Variants in RGS12 observed in about 807,000 individuals in gnomAD.
RGS12 encodes regulator of G-protein signaling 12.
Under a neutral mutation model 120.1 loss-of-function variants are expected in RGS12, and 66 were observed. The ratio of observed to expected loss-of-function variants is 0.55; its 90% CI spans 0.45 to 0.67. The LOEUF is 0.67. Among genes scored for constraint, RGS12 ranks in the 30% least tolerant of loss-of-function variants. RGS12 has a pLI of 0.00. For synonymous variants in RGS12, 827 were observed against 804.7 expected (o/e 1.03, Z -0.47); for missense variants, 1,859 against 1,957.7 (o/e 0.95, Z 0.95).
chr4:3,318,183 C>T (rs1724934440), intron 2 of RGS12, 132 bp downstream of exon 2: 1 of 789,510 alleles, frequency 1.3e-6, no homozygotes, highest in Non-Finnish European at 2.0e-6. Flanking sequence ...CTGTGGCCAT[C>T]ACAGGGTGTC....
At chr4:3,393,767 A>G (rs1719756249) in intron 4 of RGS12, among the ~76,000 whole-genome samples, 1 of 152,122 alleles carries the variant, frequency 6.6e-6, no homozygotes, top group South Asian at 2.1e-4. Context: ...CGGCAGATAG[A>G]GTTCTGTGAT....
At chr4:3,387,668 C>A (rs1400196890) in intron 4 of RGS12, among the ~76,000 whole-genome samples, 2 of 152,158 alleles carry the variant, frequency 1.3e-5, no homozygotes, top group Admixed American at 6.5e-5. Context: ...GGATAAACTT[C>A]CTTAATGAAA....
In RGS12 at chr4:3,369,599, C is replaced by A. The variant is rs551580949; in HGVS notation, c.1999-16817C>A. On this transcript the variant is annotated intron_variant, in intron 3 of 17. Coordinates refer to ENST00000336727, the MANE Select transcript of RGS12 (RefSeq NM_001394154.1). Reference sequence around the variant, plus strand: ...GGTGGCCCATGCTGCATGATTTTGACAGCAGGGAAGCACTTTGGGATGAGC... The same window carrying A: ...GGTGGCCCATGCTGCATGATTTTGAAAGCAGGGAAGCACTTTGGGATGAGC... Among the ~76,000 whole-genome samples, 3 of 152,348 alleles carry A rather than the reference C, an allele frequency of 2.0e-5. No homozygotes were observed. The South Asian group carries it at 6.2e-4, about 32-fold the overall frequency.
At chr4:3,431,168 G>A (rs1450560780) in intron 17 of RGS12, 2 of 1,412,202 alleles carry the variant, frequency 1.4e-6, no homozygotes, top group Non-Finnish European at 9.2e-7. Flanking sequence ...GTCCCCCCGA[G>A]GCGCTCTGGG....
At chr4:3,296,977 G>A (rs1409946014) in intron 1 of RGS12, among the ~76,000 whole-genome samples, 2 of 152,238 alleles carry the variant, frequency 1.3e-5, no homozygotes, top group African/African-American at 2.4e-5. Context: ...GGGGGCCACC[G>A]TTGCAGAAGT....
rs1657019986 is a variant in RGS12, at chr4:3,366,218, G to C, written c.1999-20198G>C. On this transcript the variant is annotated intron_variant, in intron 3 of 17. Transcript: ENST00000336727. This position sits in a 1 kb window ranked among gnomAD's most constrained non-coding sequence, Gnocchi z 4.0. ...AGGCACAGGGCTGGGGCGGGTGCTG[G>C]GCAGACTGCAAAGGGTCAGACTGGC... Among the ~76,000 whole-genome samples, 1 of 152,076 alleles carries C rather than the reference G, an allele frequency of 6.6e-6. No individual in the cohort carries two copies. Among genetic ancestry groups the C allele is most frequent in the South Asian group, 2.1e-4 (1 of 4,816 alleles).
intron 9 of RGS12, chr4:3,419,415 G>C (rs1379259792): frequency 6.6e-6 from 1 of 152,050 alleles, no homozygotes; most frequent in African/African-American, 2.4e-5. Context: ...AGAATCGCTT[G>C]AACCCGGGAG....
At chr4:3,294,135 T>G (rs572474415) in intron 1 of RGS12, among the ~76,000 whole-genome samples, 10 of 152,278 alleles carry the variant, frequency 6.6e-5, no homozygotes, top group Non-Finnish European at 1.2e-4. Flanking sequence ...TCTTTGGAGC[T>G]GCTGCAAGGG....
intron 3 of RGS12, among the ~76,000 whole-genome samples, chr4:3,369,341 C>T (rs1236338965): frequency 6.6e-6 from 1 of 152,222 alleles, no homozygotes; most frequent in African/African-American, 2.4e-5. Context: ...TGAACACTCT[C>T]GTGCGGGGAA....
intron 2 of RGS12, among the ~76,000 whole-genome samples, chr4:3,319,736 G>T (rs577098760): frequency 4.6e-5 from 7 of 152,300 alleles, no homozygotes; most frequent in African/African-American, 2.4e-5. Context: ...TGAGCCACAC[G>T]CGCCTGGCCT....
At chr4:3,371,585 C>T (rs1251318566) in intron 3 of RGS12, among the ~76,000 whole-genome samples, 5 of 152,122 alleles carry the variant, frequency 3.3e-5, no homozygotes, top group Non-Finnish European at 7.3e-5. Context: ...AAGTTGTTCA[C>T]GGGAGTGTAT....
intron 1 of RGS12, among the ~76,000 whole-genome samples, chr4:3,308,506 G>A (rs1237869784): frequency 1.3e-5 from 2 of 152,194 alleles, no homozygotes; most frequent in African/African-American, 4.8e-5. Context: ...CGGCTGGGGT[G>A]CGAGGTGTAT....
At chr4:3,357,879 T>C (rs1023805185) in intron 3 of RGS12, among the ~76,000 whole-genome samples, 1 of 152,160 alleles carries the variant, frequency 6.6e-6, no homozygotes, top group African/African-American at 2.4e-5. Flanking sequence ...GGTTTTTCTA[T>C]TTCTGTAAAA....
intron 2 of RGS12, among the ~76,000 whole-genome samples, chr4:3,332,966 C>A (rs758269233): frequency 5.9e-5 from 9 of 151,898 alleles, no homozygotes; most frequent in Non-Finnish European, 2.9e-5. Context: ...GCTGGGATTA[C>A]GGGCACATGC....
intron 3 of RGS12, among the ~76,000 whole-genome samples, chr4:3,363,535 G>A (rs147352105): frequency 1.3e-5 from 2 of 151,984 alleles, no homozygotes; most frequent in Admixed American, 1.3e-4. Context: ...GGCAAGAGGC[G>A]AGACGGACAG....
rs751982308 is a variant in RGS12, at chr4:3,430,703, AC to A, written c.3870del (p.Gln1292ArgfsTer49). ...ASSPPGPPGTTPPGQKSPSGP... is the reference protein window; with the variant it reads ...ASSPPGPPGTXPPGQKSPSGP... ...CAGCCCCCCTGGACCTCCTGGGACG[AC>A]CCCCCCCGGGCAGAAGTCTCCCAGC... On this transcript the variant is annotated frameshift_variant, in exon 17 of 18. Transcript: ENST00000336727. LOFTEE classifies it high-confidence loss of function. 7.3e-5 allele frequency: 114 copies of A among 1,562,306 alleles called. No homozygotes were observed. Among genetic ancestry groups the A allele is most frequent in the Admixed American group, 2.2e-4 (12 of 55,224 alleles).
intron 11 of RGS12, among the ~76,000 whole-genome samples, 154 bp from the exon 12 acceptor site, chr4:3,422,751 C>G (rs1723162783): frequency 6.6e-6 from 1 of 152,250 alleles, no homozygotes; most frequent in African/African-American, 2.4e-5. Context: ...CACGTGGGTG[C>G]TGGGTTGGTG....
chr4:3,329,735 G>GT (rs1711626892), intron 2 of RGS12, among the ~76,000 whole-genome samples: 1 of 152,212 alleles, frequency 6.6e-6, no homozygotes, highest in African/African-American at 2.4e-5. Context: ...TTGGCTTAGA[G>GT]TTAGAAAATC....
chr4:3,377,606 C>A (rs1691863174), intron 3 of RGS12, among the ~76,000 whole-genome samples: 1 of 152,046 alleles, frequency 6.6e-6, no homozygotes, highest in South Asian at 2.1e-4. Context: ...TTAATAATTC[C>A]TTTTGTCTAG....
Sources: gnomAD v4.1 joint callset for allele counts (sites outside exome capture counted in the v4.1 genomes callset) on GRCh38, gnomAD v4.1.1 for gene constraint, Gnocchi (gnomAD v3.1) non-coding constraint, MANE v1.5 for transcripts, NCBI Gene and HGNC (gene_info 2026-07-23, HGNC 2026-07-21) for gene names.